Variants in ZNF37A observed in about 807,000 individuals in gnomAD.
ZNF37A encodes zinc finger protein 37A, also known as zinc finger protein 37a (KOX 21).
In ZNF37A, 10 loss-of-function variants were observed where a neutral mutation model predicts 12.3. That is an observed-to-expected ratio of 0.82 (90% CI 0.50 to 1.38). ZNF37A has a LOEUF of 1.38. Ranked by LOEUF, ZNF37A falls within the 40% of genes most tolerant of loss-of-function variation. The probability of loss-of-function intolerance (pLI) is 0.00; values close to 1 mark genes in which losing one functional copy is unlikely to be tolerated. For missense variants in ZNF37A, 580 were observed against 651.2 expected, an observed-to-expected ratio of 0.89 and a Z score of 1.19; for synonymous variants, 207 against 223.0, an observed-to-expected ratio of 0.93 and a Z score of 0.64.
downstream of ZNF37A, chr10:38,125,393 C>T (rs2069910112): frequency 6.6e-6 from 1 of 152,076 alleles, no homozygotes; most frequent in Non-Finnish European, 1.5e-5. Context: ...ATATGAATGG[C>T]AAATAATCCT....
intron 7 of ZNF37A, 79 bp from the exon 8 acceptor site, chr10:38,117,311 A>G: frequency 2.0e-6 from 3 of 1,516,886 alleles, no homozygotes; most frequent in African/African-American, 1.4e-5. Context: ...AAACTGAGCC[A>G]TGCCTTCAAA....
Position 38,119,209 on chromosome 10 carries a change from T to G in ZNF37A, c.*372T>G. On this transcript the variant is annotated 3_prime_UTR_variant, in exon 8 of 8. Coordinates refer to ENST00000685332, the MANE Select transcript of ZNF37A (RefSeq NM_001324250.3). ...TCACAGAATACCTGAGAAGACACACTTGGAGAAACCTTTTGGGTGTAATGA... is the reference window on the plus strand; with the variant it reads ...TCACAGAATACCTGAGAAGACACACGTGGAGAAACCTTTTGGGTGTAATGA... The G allele has an allele frequency of 9.8e-7, 1 of 1,021,642 alleles. No homozygotes were observed. The highest frequency in any genetic ancestry group is 4.3e-5 in the South Asian group (1 of 23,236). The allele number at this position is 1,021,642 out of a possible 1,614,324, so 63.3% of individuals were successfully genotyped here.
chr10:38,116,574 C>T (rs554407085), intron 7 of ZNF37A, among the ~76,000 whole-genome samples: 60 of 152,204 alleles, frequency 3.9e-4, no homozygotes, highest in African/African-American at 1.3e-3. Flanking sequence ...AAAAGAATGG[C>T]TTGGTTCTAA....
At position 38,119,117 on chromosome 10, in the gene ZNF37A, C is replaced by T. The variant is rs749825596; in HGVS notation, c.*280C>T. On this transcript the variant is annotated 3_prime_UTR_variant, in exon 8 of 8. Coordinates refer to ENST00000685332, the MANE Select transcript of ZNF37A (RefSeq NM_001324250.3). Reference sequence around the variant, plus strand: ...TTCATTAAACATCAGAGAATTCACACGGGGTGAAACCTGGGTCAGCATCCC... The same window carrying T: ...TTCATTAAACATCAGAGAATTCACATGGGGTGAAACCTGGGTCAGCATCCC... The T allele has an allele frequency of 5.3e-5, 58 of 1,089,320 alleles. No individual in the cohort carries two copies. The highest frequency in any genetic ancestry group is 4.1e-4 in the Middle Eastern group (1 of 2,444). 67.5% of individuals were successfully genotyped at this position (1,089,320 alleles called of 1,614,324 possible). A position where few individuals can be genotyped will look rare whatever the true frequency, so the allele number is the denominator to read the frequency against.
In ZNF37A at chr10:38,118,513, C is replaced by G. The variant is rs142144339; in HGVS notation, c.1362C>G (p.Phe454Leu). ...AATTTTTCTGCTACTACTCCGGTTTCACAGAACATCTGAGAAGACACACAG... is the reference window on the plus strand; with the variant it reads ...AATTTTTCTGCTACTACTCCGGTTTGACAGAACATCTGAGAAGACACACAG... ...CGKFFCYYSG[F>L]TEHLRRHTGE... is the part of the protein sequence containing the mutation. The change falls in exon 8 of 8, where the codon TTC becomes TTG. Residue 454 changes from phenylalanine to leucine, a missense_variant. Coordinates refer to ENST00000685332, the MANE Select transcript of ZNF37A (RefSeq NM_001324250.3). 1.5e-5 allele frequency: 24 copies of G among 1,613,286 alleles called. No homozygotes were observed. Among genetic ancestry groups the G allele is most frequent in the Non-Finnish European group, 1.8e-5 (21 of 1,179,890 alleles).
downstream of ZNF37A, among the ~76,000 whole-genome samples, chr10:38,127,939 A>G (rs2069952087): frequency 6.6e-6 from 1 of 152,190 alleles, no homozygotes; most frequent in South Asian, 2.1e-4. Context: ...TGATTTTAAT[A>G]CTTGGTATAA....
chr10:38,112,822 T>C (rs1564932901), intron 5 of ZNF37A, among the ~76,000 whole-genome samples: 1 of 99,008 alleles, frequency 1.0e-5, no homozygotes, highest in African/African-American at 3.9e-5. Flanking sequence ...TCTTTTCTTT[T>C]CTTTCACAGA....
intron 5 of ZNF37A, among the ~76,000 whole-genome samples, chr10:38,112,742 TTTC>T (rs1321231348): frequency 1.4e-5 from 1 of 70,940 alleles, no homozygotes; most frequent in African/African-American, 5.7e-5. Context: ...TTTCTTTTCT[TTTC>T]TTTTCTTTTC....
rs560241459 is a variant in ZNF37A, at chr10:38,137,066, TC to T, written c.239-9665del. Among the ~76,000 whole-genome samples, 4 of 152,366 alleles carry T rather than the reference TC, an allele frequency of 2.6e-5. No individual in the cohort carries two copies. The South Asian group carries it at 6.2e-4, about 24-fold the overall frequency. ...CTGTTTCGTCCATGTCTTCCTTAGCTCTTTGAATACATTTAGGACAGTTGTT... is the reference window on the plus strand; with the variant it reads ...CTGTTTCGTCCATGTCTTCCTTAGCTTTTGAATACATTTAGGACAGTTGTT... On this transcript the variant is annotated intron_variant, in intron 7 of 7. Transcript: ENST00000638053.
At chr10:38,129,317 A>AG (rs2069980606), downstream of ZNF37A, among the ~76,000 whole-genome samples, 2 of 138,154 alleles carry the variant, frequency 1.4e-5, 1 homozygote, top group Non-Finnish European at 3.3e-5. Context: ...AAAAAAAAAA[A>AG]AAAAACTATT....
At chr10:38,108,538 C>T (rs2068341580) in intron 5 of ZNF37A, among the ~76,000 whole-genome samples, 1 of 152,002 alleles carries the variant, frequency 6.6e-6, no homozygotes, top group African/African-American at 2.4e-5. Flanking sequence ...TTCAAAAAAT[C>T]AATGAATCCA....
chr10:38,127,516 T>C (rs1388690654), downstream of ZNF37A, among the ~76,000 whole-genome samples: 1 of 152,218 alleles, frequency 6.6e-6, no homozygotes, highest in Non-Finnish European at 1.5e-5. Flanking sequence ...TTCCTAGTGT[T>C]ACACAGCTCA....
chr10:38,129,325 A>G (rs2069984207), downstream of ZNF37A, among the ~76,000 whole-genome samples: 1 of 147,340 alleles, frequency 6.8e-6, no homozygotes, highest in East Asian at 2.0e-4. Context: ...AAAAAAAACT[A>G]TTATTTTTTA....
chr10:38,120,031 AT>A lies in ZNF37A; in HGVS notation c.*1196del, dbSNP rs2069598485. The A allele has an allele frequency of 6.6e-6, 1 of 152,236 alleles. No individual in the cohort carries two copies. Among genetic ancestry groups the A allele is most frequent in the African/African-American group, 2.4e-5 (1 of 41,456 alleles). The allele number at this position is 152,236 out of a possible 1,614,324, so 9.4% of individuals were successfully genotyped here. The stretch of plus-strand genomic sequence containing the variant: ...CAGGACATTCTGCTGTGAGTGACTT[AT>A]TGTACCCAACTCTATTTCTCTCCAT... On this transcript the variant is annotated 3_prime_UTR_variant, in exon 8 of 8. Transcript: ENST00000685332.
chr10:38,144,522 GAATT>G (rs1292539087), intron 7 of ZNF37A: 1 of 152,200 alleles, frequency 6.6e-6, no homozygotes, highest in African/African-American at 2.4e-5. Context: ...AATATAGTAT[GAATT>G]AATTCTTTTT....
rs2067052713 is a variant in ZNF37A at position 38,095,196 on chromosome 10, C to G, written c.-226C>G. ...TTCGAACCAAAGGGCTTAGGCCCAGCTGTCTTGGAGCAAAGCAGCTGTTGT... is the reference window on the plus strand; with the variant it reads ...TTCGAACCAAAGGGCTTAGGCCCAGGTGTCTTGGAGCAAAGCAGCTGTTGT... On this transcript the variant is annotated 5_prime_UTR_variant, in exon 2 of 8. Transcript: ENST00000685332. 1 of 152,344 alleles carries G rather than the reference C, an allele frequency of 6.6e-6. No homozygotes were observed. Among genetic ancestry groups the G allele is most frequent in the Admixed American group, 6.5e-5 (1 of 15,286 alleles). The allele number at this position is 152,344 out of a possible 1,614,324, so 9.4% of individuals were successfully genotyped here.
At chr10:38,116,041 G>A (rs1564367771) in intron 7 of ZNF37A, among the ~76,000 whole-genome samples, 1 of 152,084 alleles carries the variant, frequency 6.6e-6, no homozygotes, top group Non-Finnish European at 1.5e-5. Context: ...TTGCACTGCA[G>A]CCTGGGTGAC....
chr10:38,146,793 C>T lies in ZNF37A; in HGVS notation c.300C>T (p.Val100=), dbSNP rs111667182. 1,724 of 398,334 alleles carry T rather than the reference C, an allele frequency of 4.3e-3. 5 individuals carry two copies. The highest frequency in any genetic ancestry group is 5.9e-3 in the Non-Finnish European group (1,338 of 226,002). The allele number at this position is 398,334 out of a possible 1,614,324, so 24.7% of individuals were successfully genotyped here. ...GGATTTGTGCCGAGACCAGCTCGGT[C>T]GTGGAGACTCCAACCGAGCGGCACT... Residue 100 remains valine (V), a synonymous_variant, in exon 8 of 8, where the codon GTC becomes GTT. Transcript: ENST00000638053.
chr10:38,104,686 A>G (rs1255242856), intron 5 of ZNF37A, among the ~76,000 whole-genome samples: 2 of 152,034 alleles, frequency 1.3e-5, no homozygotes, highest in Non-Finnish European at 2.9e-5. Context: ...GAATTTAAAA[A>G]CCAAGATCTG....
Sources: gnomAD v4.1 joint callset for allele counts (sites outside exome capture counted in the v4.1 genomes callset) on GRCh38, gnomAD v4.1.1 for gene constraint, MANE v1.5 for transcripts, NCBI Gene and HGNC (gene_info 2026-07-23, HGNC 2026-07-21) for gene names.